Variants in DPP6 observed in about 807,000 individuals in gnomAD.
DPP6 encodes dipeptidyl peptidase like 6, also known as A-type potassium channel modulatory protein DPP6.
DPP6 carries 69 observed loss-of-function variants against 122.6 expected under a neutral mutation model. The ratio of observed to expected loss-of-function variants is 0.56; its 90% CI spans 0.46 to 0.69. The LOEUF (loss-of-function observed/expected upper bound fraction) is 0.69, where lower values mean the gene tolerates loss of function less well. Ranked by LOEUF, DPP6 falls within the 30% of genes least tolerant of loss-of-function variation. The pLI is 0.00. For missense variants in DPP6, 928 were observed against 1,116.9 expected, an observed-to-expected ratio of 0.83 and a Z score of 2.41; for synonymous variants, 418 against 433.1, an observed-to-expected ratio of 0.97 and a Z score of 0.43.
chr7:154,139,757 T>C (rs1370896536), intron 1 of DPP6, among the ~76,000 whole-genome samples: 2 of 152,116 alleles, frequency 1.3e-5, no homozygotes, highest in Non-Finnish European at 2.9e-5. Flanking sequence ...CTTCCAGCTA[T>C]CTTCCCACTT....
At chr7:153,839,919 A>G in the DPP6 span, among the ~76,000 whole-genome samples, 1 of 152,216 alleles carries the variant, frequency 6.6e-6, no homozygotes, top group Non-Finnish European at 1.5e-5. Context: ...GTGGGTCTTT[A>G]TCCAAAATAC....
intron 1 of DPP6, among the ~76,000 whole-genome samples, chr7:154,278,648 G>T (rs1345267520): frequency 6.6e-6 from 1 of 152,220 alleles, no homozygotes; most frequent in Non-Finnish European, 1.5e-5. Flanking sequence ...GCACAGGGTG[G>T]CCTATGGAGT....
intron 1 of DPP6, among the ~76,000 whole-genome samples, chr7:154,184,986 G>T (rs756843798): frequency 2.0e-5 from 3 of 152,126 alleles, no homozygotes; most frequent in Non-Finnish European, 4.4e-5. Context: ...TCTGGGAGCC[G>T]ATTTAAGTCT....
At chr7:154,715,680 C>T (rs529192543) in intron 7 of DPP6, among the ~76,000 whole-genome samples, 1 of 152,258 alleles carries the variant, frequency 6.6e-6, no homozygotes, top group Non-Finnish European at 1.5e-5. Flanking sequence ...TTGATGTTCC[C>T]CTGGCTGTCA....
chr7:154,587,374 T>C (rs1021748694), intron 5 of DPP6: 8 of 519,352 alleles, frequency 1.5e-5, no homozygotes, highest in Non-Finnish European at 2.8e-5. Context: ...TTTGCCTTGA[T>C]CTGGACTCTT....
chr7:154,147,092 G>A (rs998824103), intron 1 of DPP6, among the ~76,000 whole-genome samples: 1 of 152,058 alleles, frequency 6.6e-6, no homozygotes, highest in Non-Finnish European at 1.5e-5. Flanking sequence ...GAAAAAACAG[G>A]GAATCCACTA....
At chr7:153,813,247 G>A in the DPP6 span, among the ~76,000 whole-genome samples, 2 of 143,932 alleles carry the variant, frequency 1.4e-5, no homozygotes, top group Non-Finnish European at 3.0e-5. Context: ...TCATTGTTCA[G>A]TTCCCACCTA....
At chr7:154,819,044 A>G (rs1369710937) in intron 16 of DPP6, among the ~76,000 whole-genome samples, 1 of 152,224 alleles carries the variant, frequency 6.6e-6, no homozygotes, top group Non-Finnish European at 1.5e-5. Flanking sequence ...AGTGGCAGGT[A>G]TGCTGAACCT....
chr7:154,796,571 T>C (rs987529719), intron 12 of DPP6, among the ~76,000 whole-genome samples: 10 of 152,226 alleles, frequency 6.6e-5, no homozygotes, highest in African/African-American at 2.4e-4. Flanking sequence ...TGAAAAAGCT[T>C]TGGAAGCTTC....
chr7:154,492,190 C>T (rs1033854663), intron 3 of DPP6, among the ~76,000 whole-genome samples: 12 of 152,150 alleles, frequency 7.9e-5, no homozygotes, highest in African/African-American at 7.2e-5. Context: ...TAAAAGCCAT[C>T]GCTTTATTTT....
chr7:154,805,031 G>T, intron 15 of DPP6, 67 bp downstream of exon 15: 1 of 1,540,802 alleles, frequency 6.5e-7, no homozygotes, highest in Non-Finnish European at 8.8e-7. Context: ...TTGCAGAATT[G>T]CACCTTTTCA....
the DPP6 span, among the ~76,000 whole-genome samples, chr7:153,822,375 G>A: frequency 6.6e-6 from 1 of 151,922 alleles, no homozygotes; most frequent in Non-Finnish European, 1.5e-5. Context: ...ATTTTTAGTA[G>A]AGACGGGGTT....
At chr7:153,867,275 C>T in the DPP6 span, among the ~76,000 whole-genome samples, 1 of 152,210 alleles carries the variant, frequency 6.6e-6, no homozygotes, top group African/African-American at 2.4e-5. Flanking sequence ...ATTCTTCCTA[C>T]CCATGAGCGT....
In DPP6 at chr7:154,893,498, G is replaced by A. The variant is rs568534732; in HGVS notation, c.*1018G>A. ...AAAAAAAACAGAAAAAAGACAAAGCGTCAACTCCACCCACAGGCCCGCTGT... is the reference window on the plus strand; with the variant it reads ...AAAAAAAACAGAAAAAAGACAAAGCATCAACTCCACCCACAGGCCCGCTGT... On this transcript the variant is annotated 3_prime_UTR_variant, in exon 26 of 26. Coordinates refer to ENST00000377770, the MANE Select transcript of DPP6 (RefSeq NM_130797.4). 2.1e-5 allele frequency: 3 copies of A among 141,088 alleles called. No individual in the cohort carries two copies. The highest frequency in any genetic ancestry group is 8.2e-5 in the African/African-American group (3 of 36,378). The allele number at this position is 141,088 out of a possible 1,614,324, so 8.7% of individuals were successfully genotyped here.
the DPP6 span, among the ~76,000 whole-genome samples, chr7:153,779,223 C>T: frequency 6.9e-6 from 1 of 145,858 alleles, no homozygotes; most frequent in Admixed American, 6.8e-5. Context: ...GAGTTCAGAA[C>T]TGGGGCAGAG....
intron 1 of DPP6, among the ~76,000 whole-genome samples, chr7:153,953,995 G>A (rs1434541742): frequency 6.6e-6 from 1 of 152,096 alleles, no homozygotes; most frequent in Non-Finnish European, 1.5e-5. Flanking sequence ...TGCTCTTAAG[G>A]CCTTCTGCAA....
intron 1 of DPP6, among the ~76,000 whole-genome samples, chr7:154,289,082 A>G (rs1162952603): frequency 6.6e-6 from 1 of 152,194 alleles, no homozygotes; most frequent in East Asian, 1.9e-4. Context: ...GGCAGACGAT[A>G]ATACTAAACG....
At position 154,693,882 on chromosome 7, in the gene DPP6, C is replaced by G. The variant is rs573088241; in HGVS notation, c.762+24441C>G. On this transcript the variant is annotated intron_variant, in intron 7 of 25. Coordinates refer to ENST00000377770, the MANE Select transcript of DPP6 (RefSeq NM_130797.4). ...GCAAAAACAGAGGGACTCACAGCACCCCTTGTGGTGTGAGAGTAATAGATG... is the reference window on the plus strand; with the variant it reads ...GCAAAAACAGAGGGACTCACAGCACGCCTTGTGGTGTGAGAGTAATAGATG... 2.0e-5 allele frequency among the ~76,000 whole-genome samples: 3 copies of G among 152,224 alleles called. No individual in the cohort carries two copies. In the South Asian group the frequency reaches 6.2e-4, roughly 32 times the overall value.
At chr7:154,220,074 C>G (rs1276252416) in intron 1 of DPP6, among the ~76,000 whole-genome samples, 1 of 152,174 alleles carries the variant, frequency 6.6e-6, no homozygotes, top group Admixed American at 6.5e-5. Flanking sequence ...ATCCGGTTTG[C>G]TAGACTTGTG....
Sources: gnomAD v4.1 joint callset for allele counts (sites outside exome capture counted in the v4.1 genomes callset) on GRCh38, gnomAD v4.1.1 for gene constraint, MANE v1.5 for transcripts, NCBI Gene and HGNC (gene_info 2026-07-23, HGNC 2026-07-21) for gene names.